CDT1: variants seen among roughly 807,000 people sequenced by gnomAD.
The protein encoded by CDT1 is DNA replication factor Cdt1.
Under a neutral mutation model 49.3 loss-of-function variants are expected in CDT1, and 66 were observed. The ratio of observed to expected loss-of-function variants is 1.34; its 90% CI spans 1.10 to 1.64. The LOEUF is 1.64. Ranked by LOEUF, CDT1 falls within the 40% of genes most tolerant of loss-of-function variation. CDT1 has a pLI of 0.00. For synonymous variants in CDT1, 424 were observed against 347.4 expected, an observed-to-expected ratio of 1.22 and a Z score of -2.45; for missense variants, 958 against 807.7, an observed-to-expected ratio of 1.19 and a Z score of -2.26.
rs779511569 is a variant in CDT1 at position 88,806,506 on chromosome 16, C to A, written c.954C>A (p.Ser318Arg). ...EHHKAFLASL[S>R]PAMVVPEDQL... ...CCCAGGCCTTCCTGGCCTCCCTGAGCCCCGCCATGGTGGTGCCGGAGGACC... is the reference window on the plus strand; with the variant it reads ...CCCAGGCCTTCCTGGCCTCCCTGAGACCCGCCATGGTGGTGCCGGAGGACC... The change falls in exon 7 of 10, where the codon AGC becomes AGA. Residue 318 changes from serine (S) to arginine (R), a missense_variant. Transcript: ENST00000301019. 7.5e-6 allele frequency: 12 copies of A among 1,610,720 alleles called. No homozygotes were observed. The Admixed American group carries it at 1.8e-4, about 25-fold the overall frequency.
intron 1 of CDT1, 68 bp from the exon 2 acceptor site, chr16:88,804,477 G>A: frequency 6.4e-7 from 1 of 1,572,392 alleles, no homozygotes; most frequent in Non-Finnish European, 8.6e-7. Context: ...CTGATCCTTC[G>A]GGGTCCTCTG....
At position 88,806,009 on chromosome 16, in the gene CDT1, C is replaced by G. The variant is rs769684855; in HGVS notation, c.833-12C>G. 4 of 1,585,410 alleles carry G rather than the reference C, an allele frequency of 2.5e-6. No homozygotes were observed. The highest frequency in any genetic ancestry group is 2.6e-6 in the Non-Finnish European group (3 of 1,169,380). ...GGCCTGGTGGGGACTTAGGCCTGGA[C>G]TCGTCCCACAGAGGCTGACGGAGCA... On this transcript the variant is annotated splice_polypyrimidine_tract_variant and intron_variant, in intron 5 of 9. Transcript: ENST00000301019.
rs1243210572 is a variant in CDT1 at position 88,807,302 on chromosome 16, A to C, written c.1297A>C (p.Lys433Gln). Residue 433 changes from lysine (K) to glutamine (Q), a missense_variant, in exon 9 of 10, where the codon AAG (lysine) becomes CAG (glutamine). By Grantham distance (53) the Lys-to-Gln change is moderately conservative. Coordinates refer to ENST00000301019, the MANE Select transcript of CDT1 (RefSeq NM_030928.4). ...GCAGATCCGAGCCAAGGAGGCACAG[A>C]AGCAGCTGGCACAGATGACGCGGTG... ...LERIRAKEAQ[K>Q]QLAQMTRCPE... The C allele has an allele frequency of 1.9e-6, 3 of 1,612,406 alleles. No individual in the cohort carries two copies. Among genetic ancestry groups the C allele is most frequent in the Non-Finnish European group, 2.5e-6 (3 of 1,179,932 alleles).
In CDT1 at chr16:88,804,967, G is replaced by T. The variant is rs917843706; in HGVS notation, c.488+69G>T. Reference sequence around the variant, plus strand: ...GTTGGTGGCAGGCGTGGCCCAGCGAGCCTGTCAGAGGCCCAGGTCTGCTCC... The same window carrying T: ...GTTGGTGGCAGGCGTGGCCCAGCGATCCTGTCAGAGGCCCAGGTCTGCTCC... On this transcript the variant is annotated intron_variant, in intron 3 of 9. Transcript: ENST00000301019. 13 of 1,518,898 alleles carry T rather than the reference G, an allele frequency of 8.6e-6. No homozygotes were observed. The African/African-American group carries it at 1.8e-4, about 21-fold the overall frequency. The allele number at this position is 1,518,898 out of a possible 1,614,324, so 94.1% of individuals were successfully genotyped here.
intron 3 of CDT1, among the ~76,000 whole-genome samples, 177 bp from the exon 4 acceptor site, chr16:88,805,263 C>T (rs1908806626): frequency 6.6e-6 from 1 of 152,252 alleles, no homozygotes; most frequent in Admixed American, 6.5e-5. Flanking sequence ...GCCGGGCTTT[C>T]CCGTCACCAC....
In CDT1 at chr16:88,804,613, GAA is replaced by G; in HGVS notation, c.299_300del (p.Lys100IlefsTer22). On this transcript the variant is annotated frameshift_variant, in exon 2 of 10. Coordinates refer to ENST00000301019, the MANE Select transcript of CDT1 (RefSeq NM_030928.4). LOFTEE classifies it high-confidence loss of function. ...GCCCTTCTCCGGGCCAGAAGATAAA[GAA>G]ATCCACCCCGGCAGCAGGTCAGCCG... The part of the protein sequence containing the change: ...ACPSPGQKIK[K>X]STPAAGQPPH... 3.7e-6 allele frequency: 6 copies of G among 1,612,902 alleles called. No individual in the cohort carries two copies. Among genetic ancestry groups the G allele is most frequent in the Non-Finnish European group, 5.1e-6 (6 of 1,179,868 alleles).
chr16:88,806,252 G>A, intron 6 of CDT1, 131 bp downstream of exon 6: 1 of 1,055,234 alleles, frequency 9.5e-7, no homozygotes, highest in Non-Finnish European at 1.4e-6. Context: ...TTCACCCTGA[G>A]CTGAGGGCTG....
In CDT1 at chr16:88,807,179, G is replaced by A. The variant is rs751575079; in HGVS notation, c.1251G>A (p.Gly417=). Residue 417 remains glycine, a synonymous_variant, in exon 8 of 10, where the codon GGG becomes GGA. Transcript: ENST00000301019. ...PPAASPSALK[G]VSQDLLERIR... is the part of the protein sequence containing the mutation. Reference sequence around the variant, plus strand: ...CAGCCTCTCCCAGTGCTCTGAAGGGGGTGTCCCAGGATCTGCTGGAGCGGG... The same window carrying A: ...CAGCCTCTCCCAGTGCTCTGAAGGGAGTGTCCCAGGATCTGCTGGAGCGGG... 1.2e-6 allele frequency: 2 copies of A among 1,612,454 alleles called. No homozygotes were observed. The highest frequency in any genetic ancestry group is 2.2e-5 in the South Asian group (2 of 91,050).
intron 1 of CDT1, 94 bp downstream of exon 1, chr16:88,804,153 G>A: frequency 1.2e-6 from 1 of 869,302 alleles, no homozygotes; most frequent in Non-Finnish European, 1.6e-6. Context: ...CGGAGGGACG[G>A]GGGCGGGGAA....
rs757078098 is a variant in CDT1 at position 88,804,596 on chromosome 16, C to T, written c.280C>T (p.Pro94Ser). 6 of 1,612,950 alleles carry T rather than the reference C, an allele frequency of 3.7e-6. No individual in the cohort carries two copies. The African/African-American group carries it at 5.3e-5, about 14-fold the overall frequency. The change falls in exon 2 of 10, where the codon CCG (proline) becomes TCG (serine). Residue 94 changes from proline (P) to serine (S), a missense_variant. By Grantham distance (74) the Pro-to-Ser change is moderately conservative. Coordinates refer to ENST00000301019, the MANE Select transcript of CDT1 (RefSeq NM_030928.4). ...EAPDIPACPS[P>S]GQKIKKSTPA... ...CCCAGACATCCCAGCCTGCCCTTCT[C>T]CGGGCCAGAAGATAAAGAAATCCAC... is the stretch of plus-strand genomic sequence containing the variant.
rs1567502191 is a variant in CDT1 at position 88,806,678 on chromosome 16, A to C, written c.1122+4A>C. 6.3e-7 allele frequency: 1 copy of C among 1,599,932 alleles called. No homozygotes were observed. On this transcript the variant is annotated splice_donor_region_variant and intron_variant, in intron 7 of 9. Coordinates refer to ENST00000301019, the MANE Select transcript of CDT1 (RefSeq NM_030928.4). ...CCGCAACCTGATTTCACCCAGGGTGAGACTGCGAGGCTTGGGCAGCCCATT... is the reference window on the plus strand; with the variant it reads ...CCGCAACCTGATTTCACCCAGGGTGCGACTGCGAGGCTTGGGCAGCCCATT...
rs528610361 is a variant in CDT1 at position 88,807,383 on chromosome 16, G to T, written c.1378G>T (p.Val460Leu). 1.2e-6 allele frequency: 2 copies of T among 1,612,628 alleles called. No homozygotes were observed. Among genetic ancestry groups the T allele is most frequent in the Non-Finnish European group, 1.7e-6 (2 of 1,179,976 alleles). The change falls in exon 9 of 10, where the codon GTG becomes TTG. Residue 460 changes from valine to leucine, a missense_variant. Physicochemically the swap from Val to Leu is conservative, Grantham distance 32. Coordinates refer to ENST00000301019, the MANE Select transcript of CDT1 (RefSeq NM_030928.4). ...RLERLPELAR[V>L]LRSVFVSERK... ...AGAACGGCTGCCTGAGCTGGCCCGC[G>T]TGCTGCGGAGCGTCTTTGTGTCCGA...
Position 88,804,608 on chromosome 16 carries a change from A to G in CDT1, c.292A>G (p.Ile98Val), listed in dbSNP as rs142692932. Residue 98 changes from isoleucine (I) to valine (V), a missense_variant, in exon 2 of 10, where the codon ATA becomes GTA. Ile to Val is a conservative substitution (Grantham distance 29). Transcript: ENST00000301019. ...AGCCTGCCCTTCTCCGGGCCAGAAG[A>G]TAAAGAAATCCACCCCGGCAGCAGG... Reference protein sequence around the residue: ...IPACPSPGQKIKKSTPAAGQP... With the variant: ...IPACPSPGQKVKKSTPAAGQP... 7.7e-4 allele frequency: 1,239 copies of G among 1,612,900 alleles called. 7 individuals are homozygous for G. The African/African-American group carries it at 0.014, about 19-fold the overall frequency.
At position 88,804,027 on chromosome 16, in the gene CDT1, G is replaced by A. The variant is rs387906918; in HGVS notation, c.196G>A (p.Ala66Thr). ...APGRDQARPP[A>T]RRRLRLSVDE... The stretch of plus-strand genomic sequence containing the variant: ...CGGACGCGACCAGGCCAGGCCACCG[G>A]CCCGCAGGAGACTGCGGCTGTCGGT... Residue 66 changes from alanine to threonine, a missense_variant, in exon 1 of 10, where the codon GCC becomes ACC. Physicochemically the swap from Ala to Thr is moderately conservative, Grantham distance 58. Transcript: ENST00000301019. 1.4e-5 allele frequency: 21 copies of A among 1,458,110 alleles called. No homozygotes were observed. The highest frequency in any genetic ancestry group is 2.9e-5 in the East Asian group (1 of 34,252). 90.3% of individuals were successfully genotyped at this position (1,458,110 alleles called of 1,614,324 possible).
At chr16:88,807,246 G>A in intron 8 of CDT1, 35 bp from the exon 9 acceptor site, 1 of 1,611,146 alleles carries the variant, frequency 6.2e-7, no homozygotes, top group Non-Finnish European at 8.5e-7. Flanking sequence ...CTGGTGACCT[G>A]CTGCCCACTA....
Position 88,804,754 on chromosome 16 carries a change from C to T in CDT1, c.352-8C>T. 2 of 1,612,830 alleles carry T rather than the reference C, an allele frequency of 1.2e-6. No homozygotes were observed. The highest frequency in any genetic ancestry group is 2.2e-5 in the South Asian group (2 of 91,088). The stretch of plus-strand genomic sequence containing the variant: ...CTGACGGCACCGTGTCCCCTGATCC[C>T]CCTGAAGGACACCATCTCTGAGCTT... On this transcript the variant is annotated splice_region_variant and splice_polypyrimidine_tract_variant and intron_variant, in intron 2 of 9. Coordinates refer to ENST00000301019, the MANE Select transcript of CDT1 (RefSeq NM_030928.4).
chr16:88,804,272 C>T (rs1908759856), intron 1 of CDT1, among the ~76,000 whole-genome samples: 1 of 152,028 alleles, frequency 6.6e-6, no homozygotes, highest in Non-Finnish European at 1.5e-5. Context: ...GCAGGAGGCA[C>T]TGGGGGGCTT....
rs1288336749 is a variant in CDT1 at position 88,804,580 on chromosome 16, C to T, written c.264C>T (p.Ile88=). ...SSPSTPEAPD[I]PACPSPGQKI... ...CCAGTACCCCCGAGGCCCCAGACAT[C>T]CCAGCCTGCCCTTCTCCGGGCCAGA... The change falls in exon 2 of 10, where the codon ATC becomes ATT. Residue 88 remains isoleucine, a synonymous_variant. Coordinates refer to ENST00000301019, the MANE Select transcript of CDT1 (RefSeq NM_030928.4). 1.1e-5 allele frequency: 18 copies of T among 1,613,006 alleles called. No homozygotes were observed. The highest frequency in any genetic ancestry group is 1.4e-5 in the Non-Finnish European group (17 of 1,179,930).
Position 88,808,110 on chromosome 16 carries a change from C to T in CDT1, c.1478-5C>T, listed in dbSNP as rs1300311066. The T allele has an allele frequency of 2.5e-6, 4 of 1,611,962 alleles. No individual in the cohort carries two copies. Among genetic ancestry groups the T allele is most frequent in the Non-Finnish European group, 3.4e-6 (4 of 1,179,700 alleles). ...CAGCCTCAGTGTCCTCCTCTCCTCC[C>T]CCAGGGGAAATGGAGAAGCACCTGC... On this transcript the variant is annotated splice_region_variant and splice_polypyrimidine_tract_variant and intron_variant, in intron 9 of 9. Transcript: ENST00000301019.
Sources: gnomAD v4.1 joint callset for allele counts (sites outside exome capture counted in the v4.1 genomes callset) on GRCh38, gnomAD v4.1.1 for gene constraint, MANE v1.5 for transcripts, NCBI Gene and HGNC (gene_info 2026-07-23, HGNC 2026-07-21) for gene names.